ARHGAP25: variants seen among roughly 807,000 people sequenced by gnomAD.
ARHGAP25 encodes Rho GTPase activating protein 25.
A neutral mutation model predicts 71.0 loss-of-function variants in ARHGAP25; 34 were observed. The ratio of observed to expected loss-of-function variants is 0.48; its 90% CI spans 0.36 to 0.64. The LOEUF (loss-of-function observed/expected upper bound fraction) is 0.64, where lower values mean the gene tolerates loss of function less well. ARHGAP25 is among the 30% of genes least tolerant of loss of function. The pLI is 0.00. For missense variants in ARHGAP25, 706 were observed against 805.1 expected (o/e 0.88, Z 1.49); for synonymous variants, 282 against 296.5 (o/e 0.95, Z 0.50).
chr2:68,742,055 A>G (rs989733441), intron 1 of ARHGAP25, among the ~76,000 whole-genome samples: 1 of 152,110 alleles, frequency 6.6e-6, no homozygotes, highest in African/African-American at 2.4e-5. Context: ...TGCTACTACC[A>G]TCTATTCTCC....
intron 1 of ARHGAP25, among the ~76,000 whole-genome samples, chr2:68,753,601 T>A (rs4267540): frequency 0.91 from 138,770 of 152,260 alleles, 63,396 homozygotes; most frequent in African/African-American, 0.95. Flanking sequence ...AGCTAAATGA[T>A]GGGGTGCTAT....
At chr2:68,758,686 TA>T (rs372067871) in intron 1 of ARHGAP25, among the ~76,000 whole-genome samples, 8 of 152,004 alleles carry the variant, frequency 5.3e-5, no homozygotes, top group Middle Eastern at 3.4e-3. Context: ...TCCACTCCAA[TA>T]ATGAATAGAA....
chr2:68,752,987 G>A (rs1676264092), intron 1 of ARHGAP25, among the ~76,000 whole-genome samples: 2 of 152,008 alleles, frequency 1.3e-5, no homozygotes, highest in Non-Finnish European at 2.9e-5. Context: ...GGTAGTCCCT[G>A]GACTTTACCC....
intron 4 of ARHGAP25, among the ~76,000 whole-genome samples, chr2:68,789,913 G>A (rs190280439): frequency 1.2e-3 from 182 of 152,216 alleles, no homozygotes; most frequent in South Asian, 1.9e-3. Flanking sequence ...AAAGTCCAGC[G>A]AAGGGGAAAT....
chr2:68,725,321 T>TATAATA (rs958042187), intron 2 of ARHGAP25, among the ~76,000 whole-genome samples: 2 of 152,024 alleles, frequency 1.3e-5, no homozygotes, highest in East Asian at 1.9e-4. Context: ...ATTATTTTAT[T>TATAATA]ATAATAATAA....
intron 1 of ARHGAP25, among the ~76,000 whole-genome samples, chr2:68,769,681 G>C (rs1250835569): frequency 6.6e-6 from 1 of 152,134 alleles, no homozygotes; most frequent in Non-Finnish European, 1.5e-5. Context: ...CAAGGGTCCA[G>C]AGCCAGGGAG....
chr2:68,803,459 T>C (rs549822959), intron 4 of ARHGAP25, among the ~76,000 whole-genome samples: 13 of 152,100 alleles, frequency 8.5e-5, no homozygotes, highest in Non-Finnish European at 1.6e-4. Flanking sequence ...AGTGAGGAAG[T>C]GGGGCAGACA....
intron 6 of ARHGAP25, 54 bp from the exon 7 acceptor site, chr2:68,816,235 C>A: frequency 6.8e-7 from 1 of 1,470,300 alleles, no homozygotes; most frequent in Non-Finnish European, 9.5e-7. Context: ...CTTGCTGGCA[C>A]ATGGGCAGGC....
In ARHGAP25 at chr2:68,767,250, T is replaced by C. The variant is rs1481018482; in HGVS notation, c.62-7971T>C. Among the ~76,000 whole-genome samples, 1 of 151,926 alleles carries C rather than the reference T, an allele frequency of 6.6e-6. No homozygotes were observed. The highest frequency in any genetic ancestry group is 1.5e-5 in the Non-Finnish European group (1 of 67,966). On this transcript the variant is annotated intron_variant, in intron 1 of 10. Coordinates refer to ENST00000409202, the MANE Select transcript of ARHGAP25 (RefSeq NM_001007231.3). The surrounding 1 kb of genome is among the most constrained non-coding windows in gnomAD (Gnocchi z 4.6). ...AAACGAAACTCAAAAGAATGATGGG[T>C]GCTTTTCAATGGGGGGGTGGCGTTT... is the stretch of plus-strand genomic sequence containing the variant.
At chr2:68,753,946 A>G (rs890892564) in intron 1 of ARHGAP25, among the ~76,000 whole-genome samples, 1 of 147,856 alleles carries the variant, frequency 6.8e-6, no homozygotes, top group African/African-American at 2.5e-5. Context: ...TCTGTCACCC[A>G]GGCTGGAGAG....
At chr2:68,783,022 C>A (rs1227381582) in intron 3 of ARHGAP25, among the ~76,000 whole-genome samples, 1 of 152,242 alleles carries the variant, frequency 6.6e-6, no homozygotes, top group Non-Finnish European at 1.5e-5. Flanking sequence ...CTGACCACAG[C>A]GGAGGAGGCC....
At position 68,813,353 on chromosome 2, in the gene ARHGAP25, G is replaced by A; in HGVS notation, c.741G>A (p.Val247=). Residue 247 remains valine (V), a synonymous_variant, in exon 6 of 11, where the codon GTG becomes GTA. Transcript: ENST00000409202. ...ACCTCCGAGACCTCCCAGAGCCCGT[G>A]GTTCCCTGGAGCCAGTACGAAGGGT... ...KLYLRDLPEP[V]VPWSQYEGFL... is the part of the protein sequence containing the mutation. The A allele has an allele frequency of 6.2e-7, 1 of 1,613,866 alleles. No homozygotes were observed. Among genetic ancestry groups the A allele is most frequent in the South Asian group, 1.1e-5 (1 of 91,052 alleles).
At chr2:68,817,101 G>T (rs1183385956) in intron 7 of ARHGAP25, among the ~76,000 whole-genome samples, 2 of 138,196 alleles carry the variant, frequency 1.4e-5, no homozygotes, top group Non-Finnish European at 3.2e-5. Flanking sequence ...TTATATAAAG[G>T]ATTGTGTCCT....
Position 68,738,799 on chromosome 2 carries a change from C to T in ARHGAP25, c.61+3539C>T, listed in dbSNP as rs562565151. The stretch of plus-strand genomic sequence containing the variant: ...TCATGCCACTGCACTCCAGCTTGGG[C>T]GACAGAGCAAGACTCTGTCTCAAGA... On this transcript the variant is annotated intron_variant, in intron 1 of 10. Coordinates refer to ENST00000409202, the MANE Select transcript of ARHGAP25 (RefSeq NM_001007231.3). 4.2e-5 allele frequency among the ~76,000 whole-genome samples: 6 copies of T among 143,482 alleles called. No homozygotes were observed. In the East Asian group the frequency reaches 6.1e-4, roughly 14 times the overall value. 94.1% of individuals were successfully genotyped at this position (143,482 alleles called of 152,430 possible).
chr2:68,774,227 C>T (rs1677673523), intron 1 of ARHGAP25, among the ~76,000 whole-genome samples: 1 of 152,062 alleles, frequency 6.6e-6, no homozygotes, highest in Admixed American at 6.5e-5. Context: ...CATCATTGAA[C>T]TGGCTGGGAA....
chr2:68,819,716 A>G (rs1419027277), intron 9 of ARHGAP25: 1 of 518,758 alleles, frequency 1.9e-6, no homozygotes, highest in Non-Finnish European at 3.4e-6. Context: ...CTGCTAACCC[A>G]TGAAACGTGA....
chr2:68,825,002 G>A (rs1682009540), intron 10 of ARHGAP25, among the ~76,000 whole-genome samples: 1 of 152,164 alleles, frequency 6.6e-6, no homozygotes, highest in African/African-American at 2.4e-5. Flanking sequence ...ATCGGCATGT[G>A]TACACTCATT....
intron 1 of ARHGAP25, among the ~76,000 whole-genome samples, chr2:68,736,418 T>TA (rs1675223874): frequency 6.6e-6 from 1 of 152,232 alleles, no homozygotes; most frequent in South Asian, 2.1e-4. Flanking sequence ...CTATCATTGA[T>TA]ACAAATGTAC....
At chr2:68,811,179 G>A (rs1391703674) in intron 5 of ARHGAP25, among the ~76,000 whole-genome samples, 6 of 152,206 alleles carry the variant, frequency 3.9e-5, no homozygotes, top group Admixed American at 3.9e-4. Flanking sequence ...TGGAGGCATA[G>A]GGTAGTGAAA....
Sources: gnomAD v4.1 joint callset for allele counts (sites outside exome capture counted in the v4.1 genomes callset) on GRCh38, gnomAD v4.1.1 for gene constraint, Gnocchi (gnomAD v3.1) non-coding constraint, MANE v1.5 for transcripts, NCBI Gene and HGNC (gene_info 2026-07-23, HGNC 2026-07-21) for gene names.